The following AGBL1 variants were observed in gnomAD, a reference collection of about 807,000 sequenced individuals.
The protein encoded by AGBL1 is AGBL carboxypeptidase 1, also known as cytosolic carboxypeptidase 4.
A neutral mutation model predicts 118.9 loss-of-function variants in AGBL1; 130 were observed. The ratio of observed to expected loss-of-function variants is 1.09; its 90% CI spans 0.95 to 1.26. The LOEUF is 1.26. Ranked by LOEUF, AGBL1 falls within the 50% of genes most tolerant of loss-of-function variation. The pLI, the probability that AGBL1 is intolerant of heterozygous loss-of-function variation, is 0.00. For synonymous variants in AGBL1, 555 were observed against 478.9 expected, an observed-to-expected ratio of 1.16 and a Z score of -2.08; for missense variants, 1,584 against 1,298.1, an observed-to-expected ratio of 1.22 and a Z score of -3.38.
intron 5 of AGBL1, among the ~76,000 whole-genome samples, chr15:86,166,071 T>G (rs146575660): frequency 6.6e-6 from 1 of 152,308 alleles, no homozygotes; most frequent in African/African-American, 2.4e-5. Flanking sequence ...GGGACCTTCT[T>G]ATCATCTCCT....
chr15:86,243,088 C>G (rs1258724177), intron 6 of AGBL1, among the ~76,000 whole-genome samples: 3 of 152,194 alleles, frequency 2.0e-5, no homozygotes, highest in African/African-American at 4.8e-5. Flanking sequence ...CTTGCCTTGA[C>G]AACACTGTGT....
At chr15:86,444,291 G>A (rs533853590) in intron 18 of AGBL1, among the ~76,000 whole-genome samples, 2 of 152,000 alleles carry the variant, frequency 1.3e-5, no homozygotes, top group African/African-American at 2.4e-5. Context: ...TCCTCATTCC[G>A]CTTTTCTTCA....
At chr15:86,573,373 G>A (rs2084037514) in intron 21 of AGBL1, among the ~76,000 whole-genome samples, 1 of 152,190 alleles carries the variant, frequency 6.6e-6, no homozygotes. Flanking sequence ...AATTAAGTAA[G>A]CAATAACAGC....
At chr15:86,196,605 T>A (rs1181948162) in intron 5 of AGBL1, among the ~76,000 whole-genome samples, 2 of 152,112 alleles carry the variant, frequency 1.3e-5, no homozygotes, top group African/African-American at 2.4e-5. Flanking sequence ...GGGAGTTATG[T>A]GGGATTAAGT....
chr15:86,123,453 T>C (rs1171335384), intron 1 of AGBL1, among the ~76,000 whole-genome samples: 1 of 152,224 alleles, frequency 6.6e-6, no homozygotes, highest in Non-Finnish European at 1.5e-5. Flanking sequence ...TTGGCCAGGC[T>C]GCTCTTGAAC....
At chr15:86,783,533 A>G (rs1420822737) in intron 22 of AGBL1, among the ~76,000 whole-genome samples, 1 of 152,184 alleles carries the variant, frequency 6.6e-6, no homozygotes, top group Non-Finnish European at 1.5e-5. Context: ...CCTGTCTCCA[A>G]GGTGCAGGAC....
intron 3 of AGBL1, among the ~76,000 whole-genome samples, chr15:86,153,847 G>C (rs1363345303): frequency 1.3e-5 from 2 of 152,066 alleles, no homozygotes; most frequent in African/African-American, 4.8e-5. Flanking sequence ...TATTTTAAGA[G>C]AAATTGCAGG....
chr15:86,191,818 G>A (rs2077726033), intron 5 of AGBL1, among the ~76,000 whole-genome samples: 1 of 151,532 alleles, frequency 6.6e-6, no homozygotes, highest in Non-Finnish European at 1.5e-5. Flanking sequence ...GCTGCGTGCA[G>A]TAATCCTAGA....
chr15:86,239,034 A>G lies in AGBL1; in HGVS notation c.527-8637A>G, dbSNP rs560425263. Reference sequence around the variant, plus strand: ...GGAAGAGCAGAGATGTGTGAGGAAGAGAAAGGTGTGGATTCTGAGGCTTTA... The same window carrying G: ...GGAAGAGCAGAGATGTGTGAGGAAGGGAAAGGTGTGGATTCTGAGGCTTTA... On this transcript the variant is annotated intron_variant, in intron 6 of 22. Coordinates refer to ENST00000614907, the MANE Select transcript of AGBL1 (RefSeq NM_001386094.1). Among the ~76,000 whole-genome samples, 3 of 152,312 alleles carry G rather than the reference A, an allele frequency of 2.0e-5. No homozygotes were observed. In the South Asian group the frequency reaches 6.2e-4, roughly 32 times the overall value.
intron 22 of AGBL1, among the ~76,000 whole-genome samples, chr15:86,849,853 G>T (rs2079379970): frequency 6.6e-6 from 1 of 152,216 alleles, no homozygotes. Flanking sequence ...GCTTGCTTTA[G>T]AAACAGAGTG....
In AGBL1 at chr15:86,247,659, C is replaced by T. The variant is rs376303737; in HGVS notation, c.527-12C>T. On this transcript the variant is annotated splice_polypyrimidine_tract_variant and intron_variant, in intron 6 of 22. Coordinates refer to ENST00000614907, the MANE Select transcript of AGBL1 (RefSeq NM_001386094.1). Reference sequence around the variant, plus strand: ...AGCCTGTGACTGACCCTGCCTTTCCCTTTGTTTTCAGAGTCGAACGGCCGC... The same window carrying T: ...AGCCTGTGACTGACCCTGCCTTTCCTTTTGTTTTCAGAGTCGAACGGCCGC... 1 of 1,588,054 alleles carries T rather than the reference C, an allele frequency of 6.3e-7. No homozygotes were observed. Among genetic ancestry groups the T allele is most frequent in the East Asian group, 2.3e-5 (1 of 43,528 alleles).
chr15:86,291,018 A>G (rs996385686), intron 16 of AGBL1, among the ~76,000 whole-genome samples: 1 of 152,190 alleles, frequency 6.6e-6, no homozygotes, highest in Non-Finnish European at 1.5e-5. Flanking sequence ...AAGGACATGA[A>G]CTCATCATTT....
intron 21 of AGBL1, among the ~76,000 whole-genome samples, chr15:86,650,977 A>G (rs1322890892): frequency 6.6e-6 from 1 of 152,190 alleles, no homozygotes; most frequent in Non-Finnish European, 1.5e-5. Flanking sequence ...ATCCCTTAGC[A>G]CTTCTTGGTT....
intron 16 of AGBL1, among the ~76,000 whole-genome samples, chr15:86,287,748 TAAGAA>T (rs1322854615): frequency 1.6e-4 from 25 of 152,180 alleles, no homozygotes; most frequent in Admixed American, 5.2e-4. Context: ...ACAGATTTAA[TAAGAA>T]AGAGAGAGAG....
chr15:86,718,679 GA>G (rs1285820369), intron 22 of AGBL1, among the ~76,000 whole-genome samples: 1 of 152,164 alleles, frequency 6.6e-6, no homozygotes, highest in East Asian at 1.9e-4. Context: ...TTGGAGTTAT[GA>G]AGGGAAAACA....
intron 18 of AGBL1, among the ~76,000 whole-genome samples, chr15:86,480,704 C>G (rs1016081426): frequency 6.6e-6 from 1 of 151,768 alleles, no homozygotes; most frequent in African/African-American, 2.4e-5. Context: ...CATACAGACT[C>G]AAGCAGAAAG....
At chr15:86,678,771 G>A (rs2085895568) in intron 22 of AGBL1, among the ~76,000 whole-genome samples, 1 of 152,016 alleles carries the variant, frequency 6.6e-6, no homozygotes. Flanking sequence ...AGGTAGGCAG[G>A]TAGTTTTATA....
Position 86,248,605 on chromosome 15 carries a change from C to T in AGBL1, c.735+726C>T, listed in dbSNP as rs115180633. Among the ~76,000 whole-genome samples, 447 of 152,198 alleles carry T rather than the reference C, an allele frequency of 2.9e-3. 4 individuals are homozygous for T. The highest frequency in any genetic ancestry group is 0.01 in the African/African-American group (419 of 41,526). On this transcript the variant is annotated intron_variant, in intron 7 of 22. Transcript: ENST00000614907. The stretch of plus-strand genomic sequence containing the variant: ...TAAATAAGTTATTGTAGAAATGGCC[C>T]GTGCTTAGAAGAGTGCTTGCCATGA...
At chr15:86,616,131 G>C (rs1231589360) in intron 21 of AGBL1, among the ~76,000 whole-genome samples, 1 of 152,032 alleles carries the variant, frequency 6.6e-6, no homozygotes, top group Non-Finnish European at 1.5e-5. Flanking sequence ...GAAGTCAGGA[G>C]TTTGAGACCA....
Sources: gnomAD v4.1 joint callset for allele counts (sites outside exome capture counted in the v4.1 genomes callset) on GRCh38, gnomAD v4.1.1 for gene constraint, MANE v1.5 for transcripts, NCBI Gene and HGNC (gene_info 2026-07-23, HGNC 2026-07-21) for gene names.